CDK12: variants seen among roughly 807,000 people sequenced by gnomAD.
CDK12 encodes cyclin dependent kinase 12.
CDK12 carries 17 observed loss-of-function variants against 133.8 expected under a neutral mutation model. That is an observed-to-expected ratio of 0.13 (90% CI 0.09 to 0.19). The LOEUF is 0.19. Ranked by LOEUF, CDK12 falls within the 10% of genes least tolerant of loss-of-function variation. The pLI, the probability that CDK12 is intolerant of heterozygous loss-of-function variation, is 1.00. For missense variants in CDK12, 1,508 were observed against 1,818.7 expected (o/e 0.83, Z 3.11); for synonymous variants, 694 against 683.6 (o/e 1.02, Z -0.24).
chr17:39,514,193 G>A (rs1009385639), intron 8 of CDK12, among the ~76,000 whole-genome samples: 4 of 152,138 alleles, frequency 2.6e-5, no homozygotes, highest in African/African-American at 9.7e-5. Flanking sequence ...ACTGAGCCTG[G>A]CCTAAATTTT....
upstream of CDK12, among the ~76,000 whole-genome samples, chr17:39,546,466 G>A (rs1023187730): frequency 3.9e-5 from 6 of 152,196 alleles, no homozygotes; most frequent in Non-Finnish European, 8.8e-5. Context: ...TTACAGGTGT[G>A]AGCCACTGTG....
At chr17:39,493,089 T>C (rs555293821) in intron 4 of CDK12, among the ~76,000 whole-genome samples, 199 bp downstream of exon 4, 2 of 151,740 alleles carry the variant, frequency 1.3e-5, no homozygotes, top group Non-Finnish European at 2.9e-5. Context: ...GCCTCCTGGG[T>C]TCACACCATT....
At chr17:39,538,631 G>T (rs1021703297), downstream of CDK12, among the ~76,000 whole-genome samples, 1 of 152,218 alleles carries the variant, frequency 6.6e-6, no homozygotes, top group South Asian at 2.1e-4. Context: ...GGGAGCGGTG[G>T]CTCACGCCTG....
chr17:39,466,642 A>G (rs1256310476), intron 1 of CDK12, among the ~76,000 whole-genome samples: 2 of 146,590 alleles, frequency 1.4e-5, no homozygotes, highest in Non-Finnish European at 3.0e-5. Context: ...AAAAAAAAAA[A>G]AAAAAAAAAA....
At chr17:39,519,298 CTTTTTTTTTTTTT>C (rs386386050) in intron 10 of CDK12, among the ~76,000 whole-genome samples, 1 of 53,976 alleles carries the variant, frequency 1.9e-5, no homozygotes, top group African/African-American at 7.7e-5. Context: ...AATTCAAAGA[CTTTTTTTTTTTTT>C]TTTTTTTTTT....
In CDK12 at chr17:39,510,907, C is replaced by G. The variant is rs550040333; in HGVS notation, c.2667-622C>G. ...GGATTACGGGCGTGAGCCACCGTGC[C>G]TGGCCTTTTTTCTTTTTTTTTTAAT... On this transcript the variant is annotated intron_variant, in intron 7 of 13. Coordinates refer to ENST00000447079, the MANE Select transcript of CDK12 (RefSeq NM_016507.4). Among the ~76,000 whole-genome samples, 4 of 140,354 alleles carry G rather than the reference C, an allele frequency of 2.8e-5. No individual in the cohort carries two copies. In the East Asian group the frequency reaches 1.0e-3, roughly 36 times the overall value. 92.1% of individuals were successfully genotyped at this position (140,354 alleles called of 152,430 possible).
chr17:39,515,703 T>C, intron 8 of CDK12, 28 bp from the exon 9 acceptor site: 3 of 1,495,354 alleles, frequency 2.0e-6, no homozygotes, highest in Non-Finnish European at 2.8e-6. Context: ...GAATTTCTCT[T>C]CTGACCTCTC....
intron 2 of CDK12, among the ~76,000 whole-genome samples, chr17:39,555,612 G>T (rs930031039): frequency 6.6e-6 from 1 of 151,890 alleles, no homozygotes; most frequent in South Asian, 2.1e-4. Flanking sequence ...CTGGCCCTGG[G>T]TATAGAAGTA....
At chr17:39,538,605 C>T (rs1466023348), downstream of CDK12, among the ~76,000 whole-genome samples, 2 of 152,192 alleles carry the variant, frequency 1.3e-5, no homozygotes, top group Non-Finnish European at 1.5e-5. Context: ...GAATAAATGG[C>T]AAACCCCGGC....
intron 10 of CDK12, 109 bp downstream of exon 10, chr17:39,517,665 AGT>A (rs1332720354): frequency 1.5e-6 from 1 of 658,960 alleles, no homozygotes; most frequent in East Asian, 2.7e-5. Context: ...ATGGCAACAC[AGT>A]GTAGGAAAAC....
At chr17:39,536,654 A>G (rs559024018), downstream of CDK12, among the ~76,000 whole-genome samples, 2 of 152,192 alleles carry the variant, frequency 1.3e-5, no homozygotes, top group Admixed American at 6.5e-5. Flanking sequence ...GCTCTCTGGT[A>G]TCTAAGAGAA....
Position 39,470,994 on chromosome 17 carries a change from A to C in CDK12, c.1162A>C (p.Arg388=). The C allele has an allele frequency of 6.2e-7, 1 of 1,614,188 alleles. No individual in the cohort carries two copies. Among genetic ancestry groups the C allele is most frequent in the Non-Finnish European group, 8.5e-7 (1 of 1,180,030 alleles). ...RSRHSSISPV[R]LPLNSSLGAE... is the part of the protein sequence containing the mutation. ...TCGTCATTCCAGTATCTCACCTGTC[A>C]GGCTTCCACTTAATTCCAGTCTGGG... The change falls in exon 2 of 14, where the codon AGG becomes CGG. Residue 388 remains arginine (R), a synonymous_variant. Transcript: ENST00000447079.
intron 1 of CDK12, 30 bp downstream of exon 1, chr17:39,463,147 A>G: frequency 1.3e-6 from 2 of 1,585,900 alleles, no homozygotes; most frequent in Non-Finnish European, 1.7e-6. Context: ...GTCCTTCCTC[A>G]TTTAGGGTGG....
intron 4 of CDK12, 70 bp from the exon 5 acceptor site, chr17:39,494,454 A>T: frequency 7.8e-7 from 1 of 1,280,574 alleles, no homozygotes; most frequent in Non-Finnish European, 1.1e-6. Context: ...GAGCAAGGGC[A>T]TATATTGCTG....
chr17:39,488,385 C>T (rs1291524718), intron 2 of CDK12, among the ~76,000 whole-genome samples: 2 of 152,046 alleles, frequency 1.3e-5, no homozygotes, highest in African/African-American at 4.8e-5. Flanking sequence ...TTGCTTGGAC[C>T]CTTTTTCTTT....
intron 2 of CDK12, among the ~76,000 whole-genome samples, chr17:39,481,332 T>C (rs1277844881): frequency 3.4e-5 from 5 of 149,186 alleles, no homozygotes; most frequent in African/African-American, 4.9e-5. Context: ...TCTTTCTCTT[T>C]TTTTTTTTTT....
At position 39,499,366 on chromosome 17, in the gene CDK12, G is replaced by A. The variant is rs369356970; in HGVS notation, c.2420-1884G>A. Among the ~76,000 whole-genome samples, 345 of 150,398 alleles carry A rather than the reference G, an allele frequency of 2.3e-3. 2 individuals are homozygous for A. The highest frequency in any genetic ancestry group is 7.8e-3 in the African/African-American group (317 of 40,852). On this transcript the variant is annotated intron_variant, in intron 5 of 13. Transcript: ENST00000447079. ...TGGAATTACAGGTGCACGCCACCAC[G>A]TCCAGGTAATTTTTGTATTTTTAGC...
At chr17:39,565,481 T>A (rs918766792), downstream of CDK12, among the ~76,000 whole-genome samples, 5 of 151,050 alleles carry the variant, frequency 3.3e-5, no homozygotes, top group Non-Finnish European at 7.4e-5. Flanking sequence ...TTGCCCAGGC[T>A]GGAGTACAAT....
rs1354516117 is a variant in CDK12 at position 39,532,202 on chromosome 17, C to T, written c.*886C>T. The T allele has an allele frequency of 4.3e-6, 1 of 231,584 alleles. No homozygotes were observed. The highest frequency in any genetic ancestry group is 2.2e-5 in the African/African-American group (1 of 44,858). 14.3% of individuals were successfully genotyped at this position (231,584 alleles called of 1,614,324 possible). ...TTTGAGGCATTTGTTTGGAAAAAAT[C>T]GTTGAGATGCCCAAGAACCTGGGAT... On this transcript the variant is annotated 3_prime_UTR_variant, in exon 14 of 14. Coordinates refer to ENST00000447079, the MANE Select transcript of CDK12 (RefSeq NM_016507.4).
Sources: allele counts gnomAD v4.1 joint callset (sites outside exome capture counted in the v4.1 genomes callset), GRCh38; gene constraint gnomAD v4.1.1; transcripts MANE v1.5; gene names NCBI Gene and HGNC (gene_info 2026-07-23, HGNC 2026-07-21).